The following CADM2 variants were observed in gnomAD, a reference collection of about 807,000 sequenced individuals.
The protein encoded by CADM2 is cell adhesion molecule 2, also known as immunoglobulin superfamily member 4D.
In CADM2, 12 loss-of-function variants were observed where a neutral mutation model predicts 49.8. The ratio of observed to expected loss-of-function variants is 0.24; its 90% CI spans 0.15 to 0.39. The LOEUF (loss-of-function observed/expected upper bound fraction) is 0.39, where lower values mean the gene tolerates loss of function less well. CADM2 is among the 10% of genes least tolerant of loss of function. The pLI, the probability that CADM2 is intolerant of heterozygous loss-of-function variation, is 1.00. For missense variants in CADM2, 378 were observed against 492.3 expected (o/e 0.77, Z 2.20); for synonymous variants, 214 against 175.4 (o/e 1.22, Z -1.74).
Position 85,197,480 on chromosome 3 carries a change from C to T in CADM2, c.61+237812C>T, listed in dbSNP as rs571952064. 2.0e-4 allele frequency among the ~76,000 whole-genome samples: 30 copies of T among 151,960 alleles called. No homozygotes were observed. In the South Asian group the frequency reaches 3.5e-3, roughly 18 times the overall value. On this transcript the variant is annotated intron_variant, in intron 1 of 9. Coordinates refer to ENST00000383699, the MANE Select transcript of CADM2 (RefSeq NM_001167675.2). The stretch of plus-strand genomic sequence containing the variant: ...GAGAAATACACTATCTGAGATATCC[C>T]GTGCCTGTGGATTGGCTCCATTTTA...
chr3:85,204,516 TC>T (rs2041584658), intron 1 of CADM2, among the ~76,000 whole-genome samples: 1 of 152,158 alleles, frequency 6.6e-6, no homozygotes, highest in African/African-American at 2.4e-5. Context: ...AGTTGCTTGT[TC>T]CTCACTATTA....
intron 3 of CADM2, among the ~76,000 whole-genome samples, chr3:85,804,603 C>G (rs1307629234): frequency 1.3e-5 from 2 of 152,144 alleles, no homozygotes; most frequent in Non-Finnish European, 2.9e-5. Context: ...ATCGTGAGGT[C>G]AAATCCTCAG....
At chr3:85,177,426 A>G (rs2040813712) in intron 1 of CADM2, among the ~76,000 whole-genome samples, 1 of 152,128 alleles carries the variant, frequency 6.6e-6, no homozygotes, top group South Asian at 2.1e-4. Context: ...TGGAACAAGA[A>G]ATAATAAGTT....
intron 1 of CADM2, among the ~76,000 whole-genome samples, chr3:85,712,553 C>G (rs950542004): frequency 6.6e-6 from 1 of 152,140 alleles, no homozygotes; most frequent in African/African-American, 2.4e-5. Flanking sequence ...AAACTGAACA[C>G]TTAAGACCTT....
intron 3 of CADM2, among the ~76,000 whole-genome samples, chr3:85,804,046 A>T (rs1577348341): frequency 2.0e-5 from 3 of 152,134 alleles, no homozygotes; most frequent in African/African-American, 7.2e-5. Flanking sequence ...CTAGTTAAAA[A>T]AATTAAATGC....
At chr3:85,458,630 G>C (rs1463429283) in intron 1 of CADM2, among the ~76,000 whole-genome samples, 1 of 152,082 alleles carries the variant, frequency 6.6e-6, no homozygotes, top group Non-Finnish European at 1.5e-5. Context: ...CGAGAGGAGT[G>C]GTTTGAAAAG....
intron 1 of CADM2, among the ~76,000 whole-genome samples, chr3:85,094,354 C>T (rs560309643): frequency 2.0e-5 from 3 of 152,128 alleles, no homozygotes; most frequent in Admixed American, 1.3e-4. Flanking sequence ...CCTTTCACGA[C>T]GTTAAATTTA....
intron 1 of CADM2, among the ~76,000 whole-genome samples, chr3:85,036,532 T>C (rs1387420106): frequency 6.6e-6 from 1 of 151,028 alleles, no homozygotes; most frequent in Non-Finnish European, 1.5e-5. Context: ...GAGACTAGGA[T>C]AGTTTCTAAA....
chr3:85,667,700 C>T (rs1577051357), intron 1 of CADM2, among the ~76,000 whole-genome samples: 1 of 152,036 alleles, frequency 6.6e-6, no homozygotes, highest in African/African-American at 2.4e-5. Context: ...GTCTTCTAAT[C>T]TTCTTGCCCC....
At chr3:85,038,154 T>C (rs2035296271) in intron 1 of CADM2, among the ~76,000 whole-genome samples, 1 of 152,152 alleles carries the variant, frequency 6.6e-6, no homozygotes, top group Non-Finnish European at 1.5e-5. Context: ...GAAAATTCAG[T>C]TCAATTTCAG....
intron 1 of CADM2, among the ~76,000 whole-genome samples, chr3:85,446,883 T>G (rs1380295540): frequency 4.7e-5 from 7 of 149,910 alleles, no homozygotes; most frequent in African/African-American, 1.2e-4. Flanking sequence ...ATTACAGGCA[T>G]GAGCCACTGC....
chr3:84,973,109 C>A (rs1468297135), intron 1 of CADM2, among the ~76,000 whole-genome samples: 2 of 152,152 alleles, frequency 1.3e-5, no homozygotes, highest in Non-Finnish European at 2.9e-5. Flanking sequence ...GACAGCATTT[C>A]TTCATGTTGA....
intron 2 of CADM2, among the ~76,000 whole-genome samples, chr3:85,801,492 A>G (rs989488656): frequency 6.6e-6 from 1 of 152,146 alleles, no homozygotes; most frequent in Non-Finnish European, 1.5e-5. Context: ...TTTACACAAT[A>G]CATTTTGTAT....
chr3:85,580,121 A>T (rs141317361), intron 1 of CADM2, among the ~76,000 whole-genome samples: 2 of 152,156 alleles, frequency 1.3e-5, no homozygotes, highest in African/African-American at 4.8e-5. Flanking sequence ...TCAAATTAAG[A>T]TCATTCAAAT....
intron 1 of CADM2, among the ~76,000 whole-genome samples, chr3:85,722,599 A>G (rs1237193016): frequency 6.6e-6 from 1 of 152,218 alleles, no homozygotes; most frequent in Non-Finnish European, 1.5e-5. Context: ...TAACTTTCTA[A>G]CAAACACTTC....
chr3:85,288,679 A>C (rs939173743), intron 1 of CADM2, among the ~76,000 whole-genome samples: 3 of 151,836 alleles, frequency 2.0e-5, no homozygotes, highest in Middle Eastern at 3.4e-3. Flanking sequence ...TTCAGTGATA[A>C]GATTCAGATG....
chr3:85,387,366 T>G (rs1437273657), intron 1 of CADM2, among the ~76,000 whole-genome samples: 1 of 152,220 alleles, frequency 6.6e-6, no homozygotes, highest in African/African-American at 2.4e-5. Context: ...TTAATTCTGT[T>G]AAATTGTTTA....
At chr3:85,567,466 G>A (rs2062300053) in intron 1 of CADM2, among the ~76,000 whole-genome samples, 1 of 152,122 alleles carries the variant, frequency 6.6e-6, no homozygotes, top group African/African-American at 2.4e-5. Flanking sequence ...AAACTAATAT[G>A]AAGAGATTAT....
At chr3:85,265,551 C>T (rs998497757) in intron 1 of CADM2, among the ~76,000 whole-genome samples, 5 of 151,894 alleles carry the variant, frequency 3.3e-5, no homozygotes, top group South Asian at 2.1e-4. Context: ...AGTAACAAAT[C>T]CAGTCCCTCA....
Sources: allele counts gnomAD v4.1 joint callset (sites outside exome capture counted in the v4.1 genomes callset), GRCh38; gene constraint gnomAD v4.1.1; transcripts MANE v1.5; gene names NCBI Gene and HGNC (gene_info 2026-07-23, HGNC 2026-07-21).